SRP14: variants seen among roughly 807,000 people sequenced by gnomAD.
The protein encoded by SRP14 is signal recognition particle 14.
A neutral mutation model predicts 16.0 loss-of-function variants in SRP14; 1 was observed. The observed-to-expected ratio is 0.06, with a 90% CI of 0.02 to 0.30. SRP14 has a LOEUF of 0.30. Among genes scored for constraint, SRP14 ranks in the 10% least tolerant of loss-of-function variants. The probability of loss-of-function intolerance (pLI) is 1.00; values close to 1 mark genes in which losing one functional copy is unlikely to be tolerated. For synonymous variants in SRP14, 67 were observed against 60.1 expected, an observed-to-expected ratio of 1.12 and a Z score of -0.53; for missense variants, 120 against 163.1, an observed-to-expected ratio of 0.74 and a Z score of 1.44.
chr15:40,037,315 A>G, intron 3 of SRP14: 1 of 967,368 alleles, frequency 1.0e-6, no homozygotes, highest in Non-Finnish European at 1.3e-6. Flanking sequence ...TCACCTCTTG[A>G]AATCCCTTAG....
rs1200079616 is a variant in SRP14 at position 40,038,352 on chromosome 15, T to C, written c.140A>G (p.Glu47Gly). The change falls in exon 3 of 5, where the codon GAG becomes GGG. Residue 47 changes from glutamate to glycine, a missense_variant. Physicochemically the swap from Glu to Gly is moderately conservative, Grantham distance 98 (BLOSUM62 -2). Transcript: ENST00000267884. ...TKPIPKKGTVEGFEPADNKCL... is the reference protein window; with the variant it reads ...TKPIPKKGTVGGFEPADNKCL... Reference sequence around the variant, plus strand: ...CTTGTTGTCTGCGGGCTCAAAGCCCTCCACAGTACCCTTCTTTGGAATGGG... The same window carrying C: ...CTTGTTGTCTGCGGGCTCAAAGCCCCCCACAGTACCCTTCTTTGGAATGGG... 2 of 1,613,982 alleles carry C rather than the reference T, an allele frequency of 1.2e-6. No homozygotes were observed. The highest frequency in any genetic ancestry group is 2.7e-5 in the African/African-American group (2 of 74,940).
intron 4 of SRP14, chr15:40,036,773 T>G: frequency 1.5e-6 from 1 of 648,836 alleles, no homozygotes; most frequent in Admixed American, 2.9e-5. Flanking sequence ...AGGTAGCATA[T>G]ATCTACAGCC....
chr15:40,038,583 CAT>C (rs972603225), intron 2 of SRP14, 189 bp from the exon 3 acceptor site: 4 of 609,734 alleles, frequency 6.6e-6, no homozygotes, highest in African/African-American at 1.9e-5. Context: ...ACGACGGAAA[CAT>C]GTAATATCGA....
At chr15:40,038,109 T>G (rs575028417) in intron 3 of SRP14, among the ~76,000 whole-genome samples, 173 bp downstream of exon 3, 13 of 152,336 alleles carry the variant, frequency 8.5e-5, no homozygotes, top group African/African-American at 3.1e-4. Context: ...ACCTCTACCT[T>G]CTTATTTTAT....
At chr15:40,037,547 A>G (rs1358757338) in intron 3 of SRP14, among the ~76,000 whole-genome samples, 2 of 151,634 alleles carry the variant, frequency 1.3e-5, no homozygotes, top group South Asian at 2.1e-4. Context: ...TTATTTCATG[A>G]TATCTAACTT....
rs1356923818 is a variant in SRP14, at chr15:40,036,392, C to T, written c.352G>A (p.Ala118Thr). The change falls in exon 5 of 5, where the codon GCC (alanine) becomes ACC (threonine). Residue 118 changes from alanine (A) to threonine (T), a missense_variant. This residue lies in a region of SRP14 where 43 missense variants were observed against 37.0 expected (regional missense o/e 1.16). Coordinates refer to ENST00000267884, the MANE Select transcript of SRP14 (RefSeq NM_003134.6). ...GTTGTTGGTGCTGTTGCTGCTGCGG[C>T]AGGTGCTGCTGCTGCTGCTGCTGCT... Reference protein sequence around the residue: ...AAAAAAAAAPAAAATAPTTAA... With the variant: ...AAAAAAAAAPTAAATAPTTAA... 4 of 1,611,674 alleles carry T rather than the reference C, an allele frequency of 2.5e-6. No individual in the cohort carries two copies. Among genetic ancestry groups the T allele is most frequent in the Non-Finnish European group, 3.4e-6 (4 of 1,179,614 alleles).
intron 2 of SRP14, 141 bp downstream of exon 2, chr15:40,038,735 T>C: frequency 4.6e-6 from 4 of 877,242 alleles, no homozygotes; most frequent in Non-Finnish European, 7.1e-6. Flanking sequence ...CCTACTATTT[T>C]CCGGGCCCGA....
chr15:40,037,894 C>G (rs1018231883), intron 3 of SRP14, among the ~76,000 whole-genome samples: 7 of 152,214 alleles, frequency 4.6e-5, no homozygotes, highest in African/African-American at 1.7e-4. Context: ...AACCTAACAT[C>G]TAGCTGCACA....
chr15:40,038,625 CG>C lies in SRP14; in HGVS notation c.98-232del, dbSNP rs781667583. 376 of 607,504 alleles carry C rather than the reference CG, an allele frequency of 6.2e-4. 6 individuals carry two copies. The highest frequency in any genetic ancestry group is 2.1e-4 in the Admixed American group (7 of 33,954). The allele number at this position is 607,504 out of a possible 1,614,324, so 37.6% of individuals were successfully genotyped here. A position where few individuals can be genotyped will look rare whatever the true frequency, so the allele number is the denominator to read the frequency against. The stretch of plus-strand genomic sequence containing the variant: ...CGTTAAATTCCACTCAAAGTGGCGG[CG>C]TCTGGGATCCCTGACAAAGAGCCCT... On this transcript the variant is annotated intron_variant, in intron 2 of 4. Transcript: ENST00000267884.
At chr15:40,038,131 C>T in intron 3 of SRP14, 151 bp downstream of exon 3, 1 of 643,942 alleles carries the variant, frequency 1.6e-6, no homozygotes, top group South Asian at 1.8e-5. Context: ...CTTGAGGTTT[C>T]CACTACTAAA....
At chr15:40,037,193 T>G (rs2035638268) in intron 3 of SRP14, 175 bp from the exon 4 acceptor site, 2 of 1,196,086 alleles carry the variant, frequency 1.7e-6, no homozygotes, top group Admixed American at 3.7e-5. Flanking sequence ...TACTTTCCTC[T>G]GCCTAGAGAA....
intron 2 of SRP14, 63 bp downstream of exon 2, chr15:40,038,813 T>G: frequency 6.4e-7 from 1 of 1,566,150 alleles, no homozygotes; most frequent in Non-Finnish European, 8.7e-7. Context: ...GCAGACAGAC[T>G]CCGGTGGCTC....
chr15:40,036,688 A>G (rs1167557831), intron 4 of SRP14, 188 bp from the exon 5 acceptor site: 29 of 702,400 alleles, frequency 4.1e-5, no homozygotes, highest in Non-Finnish European at 1.7e-5. Context: ...TGCAACACCC[A>G]CAGACAGTTG....
chr15:40,037,856 G>A lies in SRP14; in HGVS notation c.210+426C>T, dbSNP rs116552994. On this transcript the variant is annotated intron_variant, in intron 3 of 4. Transcript: ENST00000267884. ...CCTCCACTGAAAGACTAGGGCTCTTGACTAAATGTATATTTTCTCAAGTGT... is the reference window on the plus strand; with the variant it reads ...CCTCCACTGAAAGACTAGGGCTCTTAACTAAATGTATATTTTCTCAAGTGT... 3.4e-3 allele frequency among the ~76,000 whole-genome samples: 510 copies of A among 151,666 alleles called. 5 individuals carry two copies. Among genetic ancestry groups the A allele is most frequent in the African/African-American group, 0.012 (482 of 41,380 alleles).
At chr15:40,037,778 G>A (rs2035653213) in intron 3 of SRP14, among the ~76,000 whole-genome samples, 1 of 152,202 alleles carries the variant, frequency 6.6e-6, no homozygotes, top group Non-Finnish European at 1.5e-5. Context: ...TGCCACAGCA[G>A]AATAAAGTAG....
At chr15:40,036,709 T>A in intron 4 of SRP14, 1 of 665,430 alleles carries the variant, frequency 1.5e-6, no homozygotes. Flanking sequence ...CACACATTTT[T>A]TACGTTTTTT....
At chr15:40,037,616 C>G (rs111344789) in intron 3 of SRP14, among the ~76,000 whole-genome samples, 82,438 of 122,876 alleles carry the variant, frequency 0.67, 27,556 homozygotes, top group Non-Finnish European at 0.78. Flanking sequence ...ATAACTTGTC[C>G]TTAGGTTTTT....
chr15:40,039,053 G>C (rs529707932), intron 1 of SRP14, 40 bp downstream of exon 1: 2 of 1,607,860 alleles, frequency 1.2e-6, no homozygotes, highest in South Asian at 1.1e-5. Context: ...AGTAACGCCT[G>C]AGCCGCCCCC....
chr15:40,038,762 A>C (rs2035671563), intron 2 of SRP14, 114 bp downstream of exon 2: 1 of 1,135,018 alleles, frequency 8.8e-7, no homozygotes, highest in East Asian at 2.5e-5. Flanking sequence ...GAATGTGCTC[A>C]GTACAGGGTG....
Sources: allele counts gnomAD v4.1 joint callset (sites outside exome capture counted in the v4.1 genomes callset), GRCh38; gene constraint gnomAD v4.1.1; regional missense constraint gnomAD v4.1.1; transcripts MANE v1.5; gene names NCBI Gene and HGNC (gene_info 2026-07-23, HGNC 2026-07-21).